Variants in CNBD1 observed in about 807,000 individuals in gnomAD.
The protein encoded by CNBD1 is cyclic nucleotide binding domain containing 1.
A neutral mutation model predicts 54.4 loss-of-function variants in CNBD1; 71 were observed. The observed-to-expected ratio is 1.30, with a 90% CI of 1.08 to 1.59. The LOEUF (loss-of-function observed/expected upper bound fraction) is 1.59, where lower values mean the gene tolerates loss of function less well. Among genes scored for constraint, CNBD1 ranks in the 40% most tolerant of loss-of-function variants. The probability of loss-of-function intolerance (pLI) is 0.00; values close to 1 mark genes in which losing one functional copy is unlikely to be tolerated. For synonymous variants in CNBD1, 182 were observed against 170.7 expected (o/e 1.07, Z -0.51); for missense variants, 659 against 518.0 (o/e 1.27, Z -2.64).
chr8:87,089,859 T>C (rs1811172175), intron 4 of CNBD1, among the ~76,000 whole-genome samples: 1 of 152,134 alleles, frequency 6.6e-6, no homozygotes, highest in South Asian at 2.1e-4. Flanking sequence ...TAGTAACATG[T>C]AGGTATTTGA....
rs142022713 is a variant in CNBD1 at position 86,932,695 on chromosome 8, G to A, written c.273-6901G>A. Reference sequence around the variant, plus strand: ...GAGAATATTGGGGCCAGGCCATAGTGCAGAAAAAAAATAAGCAGCTTCTTT... The same window carrying A: ...GAGAATATTGGGGCCAGGCCATAGTACAGAAAAAAAATAAGCAGCTTCTTT... On this transcript the variant is annotated intron_variant, in intron 3 of 10. Coordinates refer to ENST00000518476, the MANE Select transcript of CNBD1 (RefSeq NM_173538.3). 3.4e-4 allele frequency among the ~76,000 whole-genome samples: 51 copies of A among 150,430 alleles called. 1 individual carries two copies. The highest frequency in any genetic ancestry group is 1.2e-3 in the African/African-American group (49 of 40,420).
intron 4 of CNBD1, among the ~76,000 whole-genome samples, chr8:87,180,334 A>AT (rs1226398361): frequency 6.6e-6 from 1 of 152,152 alleles, no homozygotes; most frequent in African/African-American, 2.4e-5. Context: ...CATATTATAT[A>AT]TTTTTATCAC....
chr8:87,272,308 A>G (rs1808384237), intron 6 of CNBD1, among the ~76,000 whole-genome samples: 1 of 152,056 alleles, frequency 6.6e-6, no homozygotes, highest in African/African-American at 2.4e-5. Context: ...GATTATATAA[A>G]TGTATGAAAT....
chr8:87,229,211 T>C (rs1050512888), intron 5 of CNBD1, among the ~76,000 whole-genome samples: 4 of 152,198 alleles, frequency 2.6e-5, no homozygotes, highest in Non-Finnish European at 5.9e-5. Flanking sequence ...ACCCGTCTTC[T>C]GCATCGCTCA....
At chr8:86,868,228 C>G (rs1808391586) in intron 1 of CNBD1, among the ~76,000 whole-genome samples, 1 of 152,092 alleles carries the variant, frequency 6.6e-6, no homozygotes, top group Non-Finnish European at 1.5e-5. Context: ...CATTTACATA[C>G]CTAAAAAGAA....
chr8:87,423,228 C>T (rs1807977754), intron 2 of CNBD1, among the ~76,000 whole-genome samples: 1 of 152,050 alleles, frequency 6.6e-6, no homozygotes, highest in South Asian at 2.1e-4. Context: ...CAAACAGGGA[C>T]AATTTGACTT....
intron 1 of CNBD1, among the ~76,000 whole-genome samples, chr8:86,885,704 C>T (rs1808672074): frequency 6.6e-6 from 1 of 152,120 alleles, no homozygotes; most frequent in South Asian, 2.1e-4. Flanking sequence ...TCAACACCCT[C>T]CACGGAAAGA....
In CNBD1 at chr8:87,244,124, A is replaced by G. The variant is rs188784179; in HGVS notation, c.771+7012A>G. Among the ~76,000 whole-genome samples, 502 of 152,222 alleles carry G rather than the reference A, an allele frequency of 3.3e-3. 2 individuals are homozygous for G. The highest frequency in any genetic ancestry group is 0.012 in the African/African-American group (482 of 41,538). On this transcript the variant is annotated intron_variant, in intron 6 of 10. Coordinates refer to ENST00000518476, the MANE Select transcript of CNBD1 (RefSeq NM_173538.3). ...CACCTTGGTTTTACACATTTTAGGG[A>G]GAGATGAGACATCAATCAACATATG... is the stretch of plus-strand genomic sequence containing the variant.
At chr8:87,112,443 G>T (rs1193774996) in intron 4 of CNBD1, among the ~76,000 whole-genome samples, 1 of 152,056 alleles carries the variant, frequency 6.6e-6, no homozygotes, top group Non-Finnish European at 1.5e-5. Context: ...AGCTTGATTA[G>T]CCCTTCAAGT....
At chr8:87,005,231 A>G (rs1393962568) in intron 4 of CNBD1, among the ~76,000 whole-genome samples, 1 of 151,910 alleles carries the variant, frequency 6.6e-6, no homozygotes, top group African/African-American at 2.4e-5. Context: ...TTAGCCGGGC[A>G]CGGTGGCGGG....
chr8:87,217,913 ATTTT>A (rs937855512), intron 5 of CNBD1, among the ~76,000 whole-genome samples: 1 of 152,030 alleles, frequency 6.6e-6, no homozygotes, highest in Non-Finnish European at 1.5e-5. Context: ...CCTTTCTGAG[ATTTT>A]TGTTTGTTTT....
At chr8:87,103,342 T>G (rs1363475109) in intron 4 of CNBD1, among the ~76,000 whole-genome samples, 1 of 152,216 alleles carries the variant, frequency 6.6e-6, no homozygotes, top group Admixed American at 6.5e-5. Context: ...TCTTAATATA[T>G]TTCATCCTCA....
chr8:87,079,260 G>T (rs1447523248), intron 4 of CNBD1, among the ~76,000 whole-genome samples: 1 of 151,658 alleles, frequency 6.6e-6, no homozygotes, highest in Non-Finnish European at 1.5e-5. Context: ...TGTGCATTTG[G>T]GTTGATTTCA....
chr8:87,262,650 C>G (rs1267165477), intron 6 of CNBD1, among the ~76,000 whole-genome samples: 2 of 152,112 alleles, frequency 1.3e-5, no homozygotes, highest in African/African-American at 4.8e-5. Context: ...ACTAATATGC[C>G]TGCTTTGAAG....
intron 8 of CNBD1, among the ~76,000 whole-genome samples, chr8:87,296,627 A>C (rs1295774026): frequency 6.6e-6 from 1 of 151,664 alleles, no homozygotes; most frequent in African/African-American, 2.4e-5. Flanking sequence ...ACACATATAT[A>C]TACATATATA....
At chr8:87,022,862 T>G (rs1325751585) in intron 4 of CNBD1, among the ~76,000 whole-genome samples, 2 of 152,198 alleles carry the variant, frequency 1.3e-5, no homozygotes, top group Non-Finnish European at 2.9e-5. Context: ...CAACTTGAAC[T>G]TGCTTGCTTG....
intron 4 of CNBD1, among the ~76,000 whole-genome samples, chr8:87,155,802 A>G (rs1812722493): frequency 6.6e-6 from 1 of 152,182 alleles, no homozygotes; most frequent in South Asian, 2.1e-4. Context: ...CATGACATCA[A>G]TCAGGTTCTT....
chr8:87,027,509 A>G (rs1809675919), intron 4 of CNBD1, among the ~76,000 whole-genome samples: 1 of 152,100 alleles, frequency 6.6e-6, no homozygotes, highest in Non-Finnish European at 1.5e-5. Flanking sequence ...TGACCTCGTG[A>G]GCTGTCCGCC....
intron 4 of CNBD1, among the ~76,000 whole-genome samples, chr8:86,989,006 A>G (rs1808676033): frequency 6.6e-6 from 1 of 152,192 alleles, no homozygotes; most frequent in Admixed American, 6.5e-5. Context: ...ATGATGGCTC[A>G]TACCTGTAAC....
Sources: gnomAD v4.1 joint callset for allele counts (sites outside exome capture counted in the v4.1 genomes callset) on GRCh38, gnomAD v4.1.1 for gene constraint, MANE v1.5 for transcripts, NCBI Gene and HGNC (gene_info 2026-07-23, HGNC 2026-07-21) for gene names.